The following BCL6 variants were observed in gnomAD, a reference collection of about 807,000 sequenced individuals.
BCL6 encodes the protein B-cell lymphoma 6 protein.
BCL6 carries 7 observed loss-of-function variants against 59.5 expected under a neutral mutation model. The ratio of observed to expected loss-of-function variants is 0.12; its 90% confidence interval spans 0.07 to 0.22. The LOEUF (loss-of-function observed/expected upper bound fraction) is 0.22, where lower values mean the gene tolerates loss of function less well. Ranked by LOEUF, BCL6 falls within the 10% of genes least tolerant of loss-of-function variation. BCL6 has a pLI of 1.00. For missense variants in BCL6, 685 were observed against 939.4 expected (o/e 0.73, Z 3.54); for synonymous variants, 339 against 349.7 (o/e 0.97, Z 0.34).
chr3:187,742,308 G>C (rs771240157), intron 1 of BCL6, among the ~76,000 whole-genome samples: 1 of 152,146 alleles, frequency 6.6e-6, no homozygotes, highest in African/African-American at 2.4e-5. Context: ...TTGACATCTA[G>C]CCGTGGCTAC....
At chr3:187,724,842 C>A in intron 9 of BCL6, 99 bp downstream of exon 9, 1 of 1,519,112 alleles carries the variant, frequency 6.6e-7, no homozygotes, top group East Asian at 2.3e-5. Flanking sequence ...GCAAACAGTT[C>A]CACTGCCTCC....
At chr3:187,739,734 C>T (rs763447309) in intron 1 of BCL6, among the ~76,000 whole-genome samples, 5 of 152,168 alleles carry the variant, frequency 3.3e-5, no homozygotes, top group Non-Finnish European at 7.4e-5. Flanking sequence ...CAGCAAATCG[C>T]GTCCCGGAGC....
At chr3:187,744,954 C>G (rs145103853) in intron 1 of BCL6, among the ~76,000 whole-genome samples, 2 of 152,174 alleles carry the variant, frequency 1.3e-5, no homozygotes, top group African/African-American at 4.8e-5. Context: ...GGCCAGACAG[C>G]CCCCAGACTA....
intron 5 of BCL6, 42 bp from the exon 6 acceptor site, chr3:187,728,586 G>T: frequency 6.4e-7 from 1 of 1,561,864 alleles, no homozygotes. Flanking sequence ...CTGGGGCAGG[G>T]CCTCAAGACC....
chr3:187,735,230 A>C (rs1719231876), intron 1 of BCL6, among the ~76,000 whole-genome samples: 1 of 152,230 alleles, frequency 6.6e-6, no homozygotes, highest in Non-Finnish European at 1.5e-5. Flanking sequence ...ACTAGAGTTT[A>C]TGGGAAAGAA....
At chr3:187,728,188 C>T (rs1718816759) in intron 6 of BCL6, among the ~76,000 whole-genome samples, 172 bp downstream of exon 6, 1 of 152,224 alleles carries the variant, frequency 6.6e-6, no homozygotes, top group Admixed American at 6.5e-5. Context: ...TAACCCAGTT[C>T]CCCAAGAAGC....
rs1422232189 is a variant in BCL6, at chr3:187,728,433, G to C, written c.1467C>G (p.Cys489Trp). Residue 489 changes from cysteine (C) to tryptophan (W), a missense_variant, in exon 6 of 10, where the codon TGC (cysteine) becomes TGG (tryptophan). By Grantham distance (215) the Cys-to-Trp change is radical (BLOSUM62 -2). This residue lies in a region of BCL6 where 207 missense variants were observed against 213.7 expected (regional missense o/e 0.97). Transcript: ENST00000406870. ...GGAACGTGGGGCCAGCGGTGTGGAGGCACATCTCTGCATGCTGTGGGGACT... is the reference window on the plus strand; with the variant it reads ...GGAACGTGGGGCCAGCGGTGTGGAGCCACATCTCTGCATGCTGTGGGGACT... ...GSQSPQHAEM[C>W]LHTAGPTFPE... 6.2e-7 allele frequency: 1 copy of C among 1,612,560 alleles called. No individual in the cohort carries two copies. The highest frequency in any genetic ancestry group is 1.3e-5 in the African/African-American group (1 of 74,852).
At chr3:187,727,729 T>G (rs765573517) in intron 6 of BCL6, among the ~76,000 whole-genome samples, 7 of 152,218 alleles carry the variant, frequency 4.6e-5, no homozygotes, top group Non-Finnish European at 8.8e-5. Context: ...AATTTGAAAA[T>G]GAGAAGTCAC....
At chr3:187,742,608 T>C (rs1269042595) in intron 1 of BCL6, among the ~76,000 whole-genome samples, 1 of 152,074 alleles carries the variant, frequency 6.6e-6, no homozygotes, top group Non-Finnish European at 1.5e-5. Flanking sequence ...TTGGAAAGTC[T>C]TCCAAATAGG....
chr3:187,743,328 G>A (rs1200131875), intron 1 of BCL6, among the ~76,000 whole-genome samples: 1 of 151,602 alleles, frequency 6.6e-6, no homozygotes, highest in Non-Finnish European at 1.5e-5. Flanking sequence ...GGCGGGTTGT[G>A]GGGTGGCGGG....
chr3:187,744,926 G>T (rs557759670), intron 1 of BCL6, among the ~76,000 whole-genome samples: 1 of 152,152 alleles, frequency 6.6e-6, no homozygotes, highest in Non-Finnish European at 1.5e-5. Context: ...GCGAGCGCGC[G>T]TCCTCTCCGC....
intron 1 of BCL6, among the ~76,000 whole-genome samples, chr3:187,744,375 G>A (rs576953154): frequency 7.9e-5 from 12 of 151,232 alleles, no homozygotes; most frequent in East Asian, 7.9e-4. Flanking sequence ...CTCGGGATGA[G>A]CAGGGAGAGC....
At position 187,721,610 on chromosome 3, in the gene BCL6, C is replaced by T. The variant is rs1318893074; in HGVS notation, c.*848G>A. 4.3e-6 allele frequency: 1 copy of T among 233,280 alleles called. No homozygotes were observed. The highest frequency in any genetic ancestry group is 6.1e-5 in the East Asian group (1 of 16,520). 14.5% of individuals were successfully genotyped at this position (233,280 alleles called of 1,614,324 possible). ...GTGCACGCTCGCCCATCATTGAAAACTTCCGTGAAAAAAGGCACCGTGAGG... is the reference window on the plus strand; with the variant it reads ...GTGCACGCTCGCCCATCATTGAAAATTTCCGTGAAAAAAGGCACCGTGAGG... On this transcript the variant is annotated 3_prime_UTR_variant, in exon 10 of 10. Transcript: ENST00000406870. The surrounding 1 kb of genome is among the most constrained non-coding windows in gnomAD (Gnocchi z 4.2).
chr3:187,726,070 TAA>T (rs1718677136), intron 7 of BCL6, among the ~76,000 whole-genome samples: 1 of 152,336 alleles, frequency 6.6e-6, no homozygotes, highest in African/African-American at 2.4e-5. Context: ...TTCCCTTGGA[TAA>T]GACAGATTCA....
intron 1 of BCL6, among the ~76,000 whole-genome samples, chr3:187,744,626 A>T (rs566173283): frequency 6.6e-6 from 1 of 152,170 alleles, no homozygotes; most frequent in East Asian, 1.9e-4. Context: ...TTTTCCTTCC[A>T]AATCTCGGTT....
intron 1 of BCL6, among the ~76,000 whole-genome samples, chr3:187,744,634 G>C (rs1711801776): frequency 1.3e-5 from 2 of 152,186 alleles, no homozygotes; most frequent in East Asian, 3.9e-4. Flanking sequence ...CCAAATCTCG[G>C]TTCGGCTCGA....
At chr3:187,735,078 AAACAACAGGCACCCG>A (rs1719223796) in intron 1 of BCL6, 171 bp from the exon 2 acceptor site, 1 of 152,286 alleles carries the variant, frequency 6.6e-6, no homozygotes, top group Non-Finnish European at 1.5e-5. Flanking sequence ...GCTCTTACGG[AAACAACAGGCACCCG>A]AAGCTATGAG....
At chr3:187,736,512 T>C (rs1719289849) in intron 1 of BCL6, 1 of 152,214 alleles carries the variant, frequency 6.6e-6, no homozygotes, top group African/African-American at 2.4e-5. Flanking sequence ...GGATTTCCAG[T>C]CGCAGGCTTC....
At chr3:187,744,100 C>T (rs535703573) in intron 1 of BCL6, among the ~76,000 whole-genome samples, 4 of 152,174 alleles carry the variant, frequency 2.6e-5, no homozygotes, top group East Asian at 1.9e-4. Flanking sequence ...CCCGCAGTTC[C>T]CTTTTTACAG....
Sources: allele counts gnomAD v4.1 joint callset (sites outside exome capture counted in the v4.1 genomes callset), GRCh38; gene constraint gnomAD v4.1.1; regional missense constraint gnomAD v4.1.1; non-coding constraint Gnocchi (gnomAD v3.1); transcripts MANE v1.5; gene names NCBI Gene and HGNC (gene_info 2026-07-23, HGNC 2026-07-21).